SOX5: variants seen among roughly 807,000 people sequenced by gnomAD.
SOX5 encodes transcription factor SOX-5.
A neutral mutation model predicts 92.0 loss-of-function variants in SOX5; 9 were observed. That is an observed-to-expected ratio of 0.10 (90% CI 0.06 to 0.17). The LOEUF (loss-of-function observed/expected upper bound fraction) is 0.17, where lower values mean the gene tolerates loss of function less well. Ranked by LOEUF, SOX5 falls within the 10% of genes least tolerant of loss-of-function variation. The pLI is 1.00. For synonymous variants in SOX5, 344 were observed against 336.3 expected (o/e 1.02, Z -0.25); for missense variants, 642 against 944.5 (o/e 0.68, Z 4.20).
At chr12:24,221,884 A>G (rs752036449) in intron 3 of SOX5, among the ~76,000 whole-genome samples, 1 of 152,236 alleles carries the variant, frequency 6.6e-6, no homozygotes, top group African/African-American at 2.4e-5. Context: ...TACAGAGTAA[A>G]TAGCACGATG....
At chr12:24,063,275 T>G (rs1249778083) in intron 4 of SOX5, among the ~76,000 whole-genome samples, 1 of 152,222 alleles carries the variant, frequency 6.6e-6, no homozygotes, top group Non-Finnish European at 1.5e-5. Flanking sequence ...ATCATAATTT[T>G]ATAACTAGTG....
intron 4 of SOX5, among the ~76,000 whole-genome samples, chr12:24,188,153 A>G (rs1956194859): frequency 6.6e-6 from 1 of 152,146 alleles, no homozygotes; most frequent in Non-Finnish European, 1.5e-5. Flanking sequence ...TCTCTTTTCA[A>G]GTAATTTGAA....
intron 3 of SOX5, among the ~76,000 whole-genome samples, chr12:23,817,379 A>T (rs2096015403): frequency 6.6e-6 from 1 of 152,234 alleles, no homozygotes; most frequent in Non-Finnish European, 1.5e-5. Flanking sequence ...GGAAAATCAT[A>T]CATTATATGT....
At position 24,110,069 on chromosome 12, in the gene SOX5, AC is replaced by A. The variant is rs375736842; in HGVS notation, c.-2+103273del. Among the ~76,000 whole-genome samples, 913 of 152,314 alleles carry A rather than the reference AC, an allele frequency of 6.0e-3. 13 individuals carry two copies. Among genetic ancestry groups the A allele is most frequent in the African/African-American group, 0.021 (879 of 41,572 alleles). On this transcript the variant is annotated intron_variant, in intron 4 of 4. Transcript: ENST00000446891. Reference sequence around the variant, plus strand: ...ATGTTCACACTTTAAAAAACAACTTACAAAAGTCCTTTACTGCATCCCTTTG... The same window carrying A: ...ATGTTCACACTTTAAAAAACAACTTAAAAAGTCCTTTACTGCATCCCTTTG...
intron 1 of SOX5, among the ~76,000 whole-genome samples, chr12:24,402,918 G>A (rs758755124): frequency 1.1e-4 from 17 of 151,962 alleles, no homozygotes; most frequent in African/African-American, 1.7e-4. Flanking sequence ...CTTCTAATCC[G>A]TCTATCCAAT....
At chr12:24,218,729 T>C (rs748911984) in intron 3 of SOX5, among the ~76,000 whole-genome samples, 5 of 152,140 alleles carry the variant, frequency 3.3e-5, no homozygotes, top group Non-Finnish European at 7.4e-5. Context: ...AAAAAGTATA[T>C]ACATCTACCT....
Position 24,429,650 on chromosome 12 carries a change from A to ACACACACAC in SOX5, c.-250-61012_-250-61011insGTGTGTGTG, listed in dbSNP as rs998939759. On this transcript the variant is annotated intron_variant, in intron 1 of 4. Transcript: ENST00000446891. ...TACACACACACACACACACACACAC[A>ACACACACAC]CCCCATGAGCACAAAGCCCTCCAAC... Among the ~76,000 whole-genome samples the ACACACACAC allele has an allele frequency of 4.8e-4, 73 of 151,510 alleles. No homozygotes were observed. The South Asian group carries it at 5.7e-3, about 12-fold the overall frequency.
intron 1 of SOX5, among the ~76,000 whole-genome samples, chr12:23,922,622 CGATA>C (rs1938644492): frequency 6.6e-6 from 1 of 152,050 alleles, no homozygotes; most frequent in African/African-American, 2.4e-5. Flanking sequence ...AAATGAGATC[CGATA>C]GATAAATGGT....
At chr12:23,759,938 A>AT (rs1034228431) in intron 3 of SOX5, among the ~76,000 whole-genome samples, 9 of 151,734 alleles carry the variant, frequency 5.9e-5, no homozygotes, top group Admixed American at 4.6e-4. Context: ...GTTTCCTTTA[A>AT]TTTTTTTTAA....
intron 2 of SOX5, chr12:24,277,339 C>T (rs990427477): frequency 1.4e-4 from 21 of 148,354 alleles, no homozygotes; most frequent in African/African-American, 5.1e-4. Context: ...AGACCATTAA[C>T]AGTGCATTGT....
At chr12:23,988,980 A>T (rs1381826882) in intron 4 of SOX5, among the ~76,000 whole-genome samples, 1 of 152,158 alleles carries the variant, frequency 6.6e-6, no homozygotes, top group Non-Finnish European at 1.5e-5. Flanking sequence ...GCCAGCCTTA[A>T]AGGAATAGAA....
chr12:24,407,253 C>G (rs1015623100), intron 1 of SOX5, among the ~76,000 whole-genome samples: 3 of 152,092 alleles, frequency 2.0e-5, no homozygotes, highest in African/African-American at 4.8e-5. Flanking sequence ...CAGCAGTCCA[C>G]AAGTACTGAC....
intron 2 of SOX5, among the ~76,000 whole-genome samples, chr12:23,858,067 G>T (rs1042318230): frequency 1.1e-5 from 1 of 91,606 alleles, no homozygotes; most frequent in South Asian, 5.6e-4. Context: ...TAATATGCCT[G>T]TATGTGTGTG....
intron 9 of SOX5, among the ~76,000 whole-genome samples, chr12:23,577,752 C>A (rs912575781): frequency 3.3e-5 from 5 of 151,920 alleles, no homozygotes; most frequent in African/African-American, 1.2e-4. Context: ...TTCATAAGAT[C>A]TTGACAGGAA....
chr12:24,146,131 A>G (rs964503718), intron 4 of SOX5, among the ~76,000 whole-genome samples: 16 of 152,162 alleles, frequency 1.1e-4, no homozygotes, highest in African/African-American at 3.9e-4. Context: ...ATTATTGACC[A>G]TTTTGAACTA....
intron 8 of SOX5, among the ~76,000 whole-genome samples, chr12:23,619,191 A>G (rs561134279): frequency 3.1e-4 from 47 of 152,286 alleles, no homozygotes; most frequent in African/African-American, 1.1e-3. Context: ...AGTATCACAT[A>G]CAAATATTAG....
rs190794985 is a variant in SOX5, at chr12:23,737,066, A to G, written c.742-2314T>C. ...GAAGATTACCTTTTTCATTAAGTCT[A>G]GTTCCTTCCTCCCACATAGCAATAT... On this transcript the variant is annotated intron_variant, in intron 5 of 14. Coordinates refer to ENST00000451604, the MANE Select transcript of SOX5 (RefSeq NM_006940.6). 2.6e-5 allele frequency among the ~76,000 whole-genome samples: 4 copies of G among 152,090 alleles called. No homozygotes were observed. In the East Asian group the frequency reaches 7.7e-4, roughly 29 times the overall value.
At chr12:23,896,077 T>A (rs1351389706) in intron 1 of SOX5, 53 bp from the exon 2 acceptor site, 5 of 1,257,448 alleles carry the variant, frequency 4.0e-6, no homozygotes, top group Non-Finnish European at 5.8e-6. Flanking sequence ...AAATCCTTAA[T>A]GCCGTCATTG....
chr12:23,941,754 G>A (rs1264624757), intron 1 of SOX5, among the ~76,000 whole-genome samples: 2 of 151,428 alleles, frequency 1.3e-5, no homozygotes, highest in Non-Finnish European at 3.0e-5. Context: ...AAACTGAATA[G>A]TTTGAGCACC....
Sources: allele counts gnomAD v4.1 joint callset (sites outside exome capture counted in the v4.1 genomes callset), GRCh38; gene constraint gnomAD v4.1.1; transcripts MANE v1.5; gene names NCBI Gene and HGNC (gene_info 2026-07-23, HGNC 2026-07-21).